SGMS1: variants seen among roughly 807,000 people sequenced by gnomAD.
The protein encoded by SGMS1 is sphingomyelin synthase 1.
In SGMS1, 13 loss-of-function variants were observed where a neutral mutation model predicts 46.2. That is an observed-to-expected ratio of 0.28 (90% CI 0.18 to 0.45). The LOEUF (loss-of-function observed/expected upper bound fraction) is 0.45, where lower values mean the gene tolerates loss of function less well. Ranked by LOEUF, SGMS1 falls within the 20% of genes least tolerant of loss-of-function variation. The pLI is 1.00. For synonymous variants in SGMS1, 203 were observed against 187.8 expected (o/e 1.08, Z -0.66); for missense variants, 324 against 519.9 (o/e 0.62, Z 3.66).
chr10:50,572,060 C>A (rs1838341151), intron 2 of SGMS1, among the ~76,000 whole-genome samples: 1 of 152,164 alleles, frequency 6.6e-6, no homozygotes, highest in Non-Finnish European at 1.5e-5. Context: ...GGTCAGCCAC[C>A]TATCTCTTTA....
intron 3 of SGMS1, among the ~76,000 whole-genome samples, chr10:50,512,837 C>A (rs1837768862): frequency 6.6e-6 from 1 of 152,190 alleles, no homozygotes. Context: ...TTAACCAGCA[C>A]CTTGGCCTTT....
chr10:50,400,075 G>A (rs1008682567), intron 6 of SGMS1, among the ~76,000 whole-genome samples: 6 of 151,506 alleles, frequency 4.0e-5, no homozygotes, highest in Admixed American at 3.9e-4. Flanking sequence ...AAGTACGTGC[G>A]TGAGGTGCTA....
rs138868011 is a variant in SGMS1 at position 50,343,851 on chromosome 10, G to A, written c.264C>T (p.Gly88=). 8.4e-5 allele frequency: 135 copies of A among 1,614,082 alleles called. No individual in the cohort carries two copies. In the African/African-American group the frequency reaches 1.3e-3, roughly 16 times the overall value. ...TGCCGTCGGGGGTGGGGATGTCTAC[G>A]CCAATGTTGAGGTGCCCATTGGCAT... The part of the protein sequence containing the change: ...NGHANGHLNI[G]VDIPTPDGSF... Residue 88 remains glycine, a synonymous_variant, in exon 7 of 11, where the codon GGC becomes GGT. Coordinates refer to ENST00000361781, the MANE Select transcript of SGMS1 (RefSeq NM_147156.4).
At chr10:50,437,154 C>T (rs763176517) in intron 5 of SGMS1, among the ~76,000 whole-genome samples, 6 of 152,190 alleles carry the variant, frequency 3.9e-5, no homozygotes, top group Non-Finnish European at 7.3e-5. Context: ...TATCCTCATA[C>T]TTTGGGGGCA....
chr10:50,363,027 T>A (rs763851725), intron 6 of SGMS1, among the ~76,000 whole-genome samples: 2 of 152,142 alleles, frequency 1.3e-5, no homozygotes, highest in Non-Finnish European at 2.9e-5. Flanking sequence ...AGCACCCACA[T>A]CTTTTTTGGG....
chr10:50,546,763 C>T, intron 2 of SGMS1, among the ~76,000 whole-genome samples: 1 of 152,002 alleles, frequency 6.6e-6, no homozygotes, highest in East Asian at 1.9e-4. Context: ...AGGAGATATA[C>T]CCAATGTAAA....
intron 3 of SGMS1, among the ~76,000 whole-genome samples, chr10:50,494,599 G>C (rs1837594637): frequency 1.3e-5 from 2 of 152,166 alleles, no homozygotes; most frequent in Non-Finnish European, 2.9e-5. Context: ...ACACGTAGAG[G>C]GGAACAGCAC....
chr10:50,526,068 C>T (rs1486902648), intron 2 of SGMS1, among the ~76,000 whole-genome samples: 1 of 152,184 alleles, frequency 6.6e-6, no homozygotes, highest in Non-Finnish European at 1.5e-5. Flanking sequence ...CCCAGCTCTG[C>T]TAGTGCTGTG....
intron 2 of SGMS1, among the ~76,000 whole-genome samples, chr10:50,574,282 A>G (rs1048838476): frequency 6.6e-6 from 1 of 152,156 alleles, no homozygotes; most frequent in Admixed American, 6.5e-5. Context: ...CATATAAAGA[A>G]CTCCAAAAAC....
chr10:50,467,389 G>A (rs1837339957), intron 3 of SGMS1, among the ~76,000 whole-genome samples: 1 of 152,102 alleles, frequency 6.6e-6, no homozygotes, highest in East Asian at 1.9e-4. Context: ...AACAACCACA[G>A]ACCACATACA....
chr10:50,352,205 C>T (rs1564885114), intron 6 of SGMS1, among the ~76,000 whole-genome samples: 1 of 152,158 alleles, frequency 6.6e-6, no homozygotes, highest in African/African-American at 2.4e-5. Context: ...TTCAGTACTT[C>T]AAAGGTCACT....
intron 6 of SGMS1, among the ~76,000 whole-genome samples, chr10:50,409,318 T>A (rs1441340542): frequency 2.0e-5 from 3 of 152,202 alleles, no homozygotes; most frequent in Non-Finnish European, 2.9e-5. Flanking sequence ...GTCACCCTAC[T>A]CTGCTATCAA....
intron 1 of SGMS1, among the ~76,000 whole-genome samples, chr10:50,621,846 T>C (rs969884480): frequency 2.0e-5 from 3 of 152,248 alleles, no homozygotes; most frequent in East Asian, 3.8e-4. Context: ...GCAGAGTAAC[T>C]ACTTAAAACT....
intron 7 of SGMS1, among the ~76,000 whole-genome samples, chr10:50,331,950 C>T (rs1381584976): frequency 1.3e-5 from 2 of 152,190 alleles, no homozygotes; most frequent in Non-Finnish European, 2.9e-5. Context: ...TGCTGTAACT[C>T]ACCCAGTCTA....
chr10:50,591,368 C>T (rs1388156468), intron 1 of SGMS1, among the ~76,000 whole-genome samples: 3 of 152,122 alleles, frequency 2.0e-5, no homozygotes, highest in African/African-American at 7.2e-5. Context: ...TGATGCCTTC[C>T]TTAAAACCAA....
chr10:50,410,719 TCAAAAGCCCTCAGACAGCCC>T (rs2133568580), intron 6 of SGMS1, among the ~76,000 whole-genome samples: 1 of 152,282 alleles, frequency 6.6e-6, no homozygotes, highest in South Asian at 2.1e-4. Context: ...TAGGCAGATT[TCAAAAGCCCTCAGACAGCCC>T]CACCATAGGG....
intron 6 of SGMS1, among the ~76,000 whole-genome samples, chr10:50,416,691 T>A (rs546635612): frequency 6.6e-6 from 1 of 152,268 alleles, no homozygotes; most frequent in Non-Finnish European, 1.5e-5. Context: ...TCAGTTCAAC[T>A]CGGAGCAAAA....
chr10:50,410,561 A>G (rs1467408698), intron 6 of SGMS1, among the ~76,000 whole-genome samples: 1 of 152,210 alleles, frequency 6.6e-6, no homozygotes, highest in Non-Finnish European at 1.5e-5. Context: ...TGGCCAAATT[A>G]CCATGAGAAG....
intron 1 of SGMS1, among the ~76,000 whole-genome samples, chr10:50,592,496 A>AC (rs144925081): frequency 0.033 from 5,000 of 152,248 alleles, 290 homozygotes; most frequent in African/African-American, 0.11. Flanking sequence ...TTTTAATATC[A>AC]CAATGGCCCT....
Sources: allele counts gnomAD v4.1 joint callset (sites outside exome capture counted in the v4.1 genomes callset), GRCh38; gene constraint gnomAD v4.1.1; transcripts MANE v1.5; gene names NCBI Gene and HGNC (gene_info 2026-07-23, HGNC 2026-07-21).